Variants in PTPRA observed in about 807,000 individuals in gnomAD.
The protein encoded by PTPRA is protein tyrosine phosphatase receptor type A.
A neutral mutation model predicts 104.8 loss-of-function variants in PTPRA; 25 were observed. The ratio of observed to expected loss-of-function variants is 0.24; its 90% CI spans 0.17 to 0.33. The LOEUF is 0.33. Ranked by LOEUF, PTPRA falls within the 10% of genes least tolerant of loss-of-function variation. The pLI is 1.00. For synonymous variants in PTPRA, 323 were observed against 368.9 expected (o/e 0.88, Z 1.43); for missense variants, 765 against 1,015.3 (o/e 0.75, Z 3.35).
intron 1 of PTPRA, among the ~76,000 whole-genome samples, chr20:2,914,709 A>T (rs1284645796): frequency 6.6e-6 from 1 of 152,124 alleles, no homozygotes; most frequent in African/African-American, 2.4e-5. Flanking sequence ...AATGGTTTTT[A>T]GACTGAATTA....
intron 1 of PTPRA, among the ~76,000 whole-genome samples, chr20:2,874,721 GTT>G (rs1383568105): frequency 6.6e-6 from 1 of 152,182 alleles, no homozygotes; most frequent in African/African-American, 2.4e-5. Context: ...GCTGTCACTT[GTT>G]TACTTAAAAA....
At chr20:2,871,513 TAAAA>T (rs984951266), upstream of PTPRA, among the ~76,000 whole-genome samples, 1 of 150,774 alleles carries the variant, frequency 6.6e-6, no homozygotes, top group African/African-American at 2.4e-5. Flanking sequence ...AAATAAAAAG[TAAAA>T]AAAAACTAAT....
chr20:3,021,986 C>T, intron 14 of PTPRA, 68 bp from the exon 15 acceptor site: 2 of 1,576,744 alleles, frequency 1.3e-6, no homozygotes, highest in Non-Finnish European at 1.7e-6. Flanking sequence ...CAGCTGTCAC[C>T]TTCCCTCCCC....
upstream of PTPRA, among the ~76,000 whole-genome samples, chr20:2,868,539 A>C (rs1385278460): frequency 2.0e-5 from 3 of 149,486 alleles, no homozygotes; most frequent in East Asian, 5.9e-4. Flanking sequence ...AATCTGGCAC[A>C]GCCCATCAGC....
At chr20:2,866,263 T>G in the PTPRA span, 3 of 1,614,050 alleles carry the variant, frequency 1.9e-6, no homozygotes, top group Non-Finnish European at 2.5e-6. Flanking sequence ...AGCCAAGAAG[T>G]ATGCTTCCCG....
chr20:2,896,339 A>G (rs2058998316), intron 1 of PTPRA, among the ~76,000 whole-genome samples: 1 of 152,234 alleles, frequency 6.6e-6, no homozygotes, highest in Non-Finnish European at 1.5e-5. Context: ...AGATAGTGCC[A>G]CTGCAATCCA....
At chr20:3,019,898 CCCGTCT>C (rs1249861636) in intron 13 of PTPRA, among the ~76,000 whole-genome samples, 4 of 152,092 alleles carry the variant, frequency 2.6e-5, no homozygotes, top group Non-Finnish European at 5.9e-5. Context: ...ACAGCGAAAC[CCCGTCT>C]CCACCAAAAA....
intron 3 of PTPRA, among the ~76,000 whole-genome samples, chr20:2,952,513 T>A (rs2061387204): frequency 6.6e-6 from 1 of 152,202 alleles, no homozygotes; most frequent in South Asian, 2.1e-4. Context: ...AGCCTGTGAT[T>A]TAGTTTGTTA....
chr20:2,992,669 C>CATGGT (rs1330055868), intron 9 of PTPRA, among the ~76,000 whole-genome samples: 2 of 50,012 alleles, frequency 4.0e-5, no homozygotes, highest in East Asian at 1.9e-3. Context: ...GGTCTTATAT[C>CATGGT]CATATCCAAA....
Position 3,037,433 on chromosome 20 carries a change from A to C in PTPRA, c.2334+144A>C. The C allele has an allele frequency of 7.7e-7, 1 of 1,300,258 alleles. No individual in the cohort carries two copies. Among genetic ancestry groups the C allele is most frequent in the African/African-American group, 1.5e-5 (1 of 67,456 alleles). The allele number at this position is 1,300,258 out of a possible 1,614,324, so 80.5% of individuals were successfully genotyped here. On this transcript the variant is annotated intron_variant, in intron 23 of 23. Transcript: ENST00000399903. The surrounding 1 kb of genome is among the most constrained non-coding windows in gnomAD (Gnocchi z 4.3). ...CTTGCCCTCCCAAGGTGCCCCAAAT[A>C]CACAGGAAACATTGGGAGGCAGGAT...
intron 1 of PTPRA, among the ~76,000 whole-genome samples, chr20:2,882,025 A>G (rs2090080342): frequency 6.6e-6 from 1 of 152,126 alleles, no homozygotes; most frequent in Non-Finnish European, 1.5e-5. Context: ...AAGACAAAAA[A>G]ACACATACCC....
intron 1 of PTPRA, among the ~76,000 whole-genome samples, chr20:2,884,287 G>A (rs1002058107): frequency 3.9e-5 from 6 of 152,000 alleles, no homozygotes; most frequent in African/African-American, 1.2e-4. Flanking sequence ...TGGGTTAAAC[G>A]GTGACTAACT....
At chr20:2,975,636 A>C (rs990383420) in intron 6 of PTPRA, among the ~76,000 whole-genome samples, 5 of 152,034 alleles carry the variant, frequency 3.3e-5, no homozygotes, top group Admixed American at 2.6e-4. Flanking sequence ...TAAAATGTCA[A>C]CCCTTTGTGG....
intron 1 of PTPRA, among the ~76,000 whole-genome samples, chr20:2,883,755 C>T (rs936437572): frequency 6.6e-6 from 1 of 150,636 alleles, no homozygotes; most frequent in Non-Finnish European, 1.5e-5. Flanking sequence ...CTATAACTTA[C>T]ATATTATAAA....
intron 2 of PTPRA, among the ~76,000 whole-genome samples, chr20:2,943,477 C>T (rs1009641424): frequency 2.6e-5 from 4 of 152,042 alleles, no homozygotes; most frequent in African/African-American, 9.7e-5. Flanking sequence ...AGCCCACCTA[C>T]ATTATGGAGG....
chr20:3,038,280 T>G lies in PTPRA; in HGVS notation c.*147T>G, dbSNP rs2065899892. ...TTCTATTACCTATTAGGTGGAAATT[T>G]TATATGTAAATGTGTTAGCACTGAT... On this transcript the variant is annotated 3_prime_UTR_variant, in exon 24 of 24. Coordinates refer to ENST00000399903, the MANE Select transcript of PTPRA (RefSeq NM_001385305.1). 7.3e-6 allele frequency: 5 copies of G among 686,524 alleles called. No individual in the cohort carries two copies. The East Asian group carries it at 1.4e-4, about 19-fold the overall frequency. The allele number at this position is 686,524 out of a possible 1,614,324, so 42.5% of individuals were successfully genotyped here.
At chr20:3,036,259 T>C (rs1407607242) in intron 22 of PTPRA, among the ~76,000 whole-genome samples, 1 of 152,126 alleles carries the variant, frequency 6.6e-6, no homozygotes, top group African/African-American at 2.4e-5. Context: ...GTCTCCCAGG[T>C]TTGAGCCTGG....
rs1046650018 is a variant in PTPRA, at chr20:2,920,979, G to T, written c.-128-2228G>T. Among the ~76,000 whole-genome samples, 4 of 152,134 alleles carry T rather than the reference G, an allele frequency of 2.6e-5. No individual in the cohort carries two copies. In the East Asian group the frequency reaches 5.8e-4, roughly 22 times the overall value. Reference sequence around the variant, plus strand: ...AGGGCTAGATTTTGAATAGTTCTTGGAATAATCTTAATATTGTAACCTTTT... The same window carrying T: ...AGGGCTAGATTTTGAATAGTTCTTGTAATAATCTTAATATTGTAACCTTTT... On this transcript the variant is annotated intron_variant, in intron 1 of 23. Transcript: ENST00000399903.
intron 16 of PTPRA, among the ~76,000 whole-genome samples, chr20:3,023,741 A>T (rs1277176637): frequency 6.6e-6 from 1 of 152,216 alleles, no homozygotes; most frequent in Admixed American, 6.5e-5. Context: ...GAACTCAGAG[A>T]CGAGTGCTGG....
Sources: gnomAD v4.1 joint callset for allele counts (sites outside exome capture counted in the v4.1 genomes callset) on GRCh38, gnomAD v4.1.1 for gene constraint, Gnocchi (gnomAD v3.1) non-coding constraint, MANE v1.5 for transcripts, NCBI Gene and HGNC (gene_info 2026-07-23, HGNC 2026-07-21) for gene names.